ABCB10: variants seen among roughly 807,000 people sequenced by gnomAD.
ABCB10 encodes ATP binding cassette subfamily B member 10, also known as ATP-binding cassette sub-family B member 10, mitochondrial.
A neutral mutation model predicts 65.4 loss-of-function variants in ABCB10; 54 were observed. The ratio of observed to expected loss-of-function variants is 0.83; its 90% CI spans 0.66 to 1.04. The LOEUF (loss-of-function observed/expected upper bound fraction) is 1.04. Ranked by LOEUF, ABCB10 falls within the 50% of genes least tolerant of loss-of-function variation. ABCB10 has a pLI of 0.00. For synonymous variants in ABCB10, 418 were observed against 406.5 expected (o/e 1.03, Z -0.34); for missense variants, 846 against 976.6 (o/e 0.87, Z 1.78).
intron 10 of ABCB10, among the ~76,000 whole-genome samples, chr1:229,523,046 T>C (rs918234118): frequency 1.3e-5 from 2 of 152,210 alleles, no homozygotes; most frequent in African/African-American, 4.8e-5. Context: ...ATGTTCTTTT[T>C]TTCCCCTCCT....
intron 6 of ABCB10, among the ~76,000 whole-genome samples, chr1:229,538,464 C>A (rs371513429): frequency 5.9e-5 from 9 of 152,236 alleles, no homozygotes; most frequent in East Asian, 5.8e-4. Context: ...GGGTGTGAAA[C>A]CTCCAGCCCA....
At chr1:229,531,946 A>ATTTTTT in intron 6 of ABCB10, 1 of 219,738 alleles carries the variant, frequency 4.6e-6, no homozygotes, top group Non-Finnish European at 8.4e-6. Flanking sequence ...CCAGTTTCAT[A>ATTTTTT]GTTTTTTTTT....
chr1:229,554,995 C>T (rs1480011245), intron 1 of ABCB10, among the ~76,000 whole-genome samples: 1 of 152,222 alleles, frequency 6.6e-6, no homozygotes, highest in Non-Finnish European at 1.5e-5. Flanking sequence ...AAACCACACA[C>T]CAGCCCCTTA....
intron 3 of ABCB10, among the ~76,000 whole-genome samples, chr1:229,546,035 G>A (rs1571974808): frequency 6.6e-6 from 1 of 152,038 alleles, no homozygotes; most frequent in Non-Finnish European, 1.5e-5. Flanking sequence ...AGCGAGGCGT[G>A]GTGGCTGGCA....
intron 1 of ABCB10, among the ~76,000 whole-genome samples, chr1:229,554,758 G>A (rs1016977644): frequency 6.6e-6 from 1 of 152,124 alleles, no homozygotes; most frequent in Non-Finnish European, 1.5e-5. Context: ...GGGCAGTTCC[G>A]ATTTCAAAGG....
intron 6 of ABCB10, among the ~76,000 whole-genome samples, chr1:229,536,307 C>CCTG (rs1042681686): frequency 2.6e-5 from 4 of 151,758 alleles, no homozygotes; most frequent in Non-Finnish European, 5.9e-5. Context: ...TTGAGACCAG[C>CCTG]CTGGGCAACA....
At chr1:229,548,819 C>A (rs1024557931) in intron 2 of ABCB10, among the ~76,000 whole-genome samples, 2 of 151,994 alleles carry the variant, frequency 1.3e-5, no homozygotes, top group African/African-American at 2.4e-5. Context: ...CACACCACCA[C>A]GCCCGGGTAA....
intron 11 of ABCB10, among the ~76,000 whole-genome samples, chr1:229,520,257 G>C (rs1662272665): frequency 6.6e-6 from 1 of 151,688 alleles, no homozygotes; most frequent in Non-Finnish European, 1.5e-5. Context: ...ATCACTTGAG[G>C]TCAGGAGTTC....
intron 7 of ABCB10, 89 bp from the exon 8 acceptor site, chr1:229,530,497 T>C: frequency 1.5e-6 from 2 of 1,365,820 alleles, no homozygotes; most frequent in Non-Finnish European, 2.1e-6. Context: ...TGGCTATGGA[T>C]GGGTGACTCC....
chr1:229,522,911 G>A (rs1214905912), intron 10 of ABCB10, among the ~76,000 whole-genome samples: 2 of 152,022 alleles, frequency 1.3e-5, no homozygotes, highest in African/African-American at 4.8e-5. Context: ...GTACAGTAGT[G>A]CAATCATGGC....
At chr1:229,521,734 CTAGT>C in intron 10 of ABCB10, 99 bp from the exon 11 acceptor site, 1 of 1,280,654 alleles carries the variant, frequency 7.8e-7, no homozygotes, top group South Asian at 1.3e-5. Flanking sequence ...CAAGCTTCTT[CTAGT>C]TAGTCATAGC....
intron 4 of ABCB10, 51 bp downstream of exon 4, chr1:229,542,186 G>A (rs968451625): frequency 6.3e-7 from 1 of 1,599,144 alleles, no homozygotes; most frequent in Admixed American, 1.7e-5. Context: ...CTAGGATCCT[G>A]GCTATGACCC....
chr1:229,529,212 G>C (rs1267581528), intron 8 of ABCB10, among the ~76,000 whole-genome samples: 2 of 138,042 alleles, frequency 1.4e-5, no homozygotes, highest in African/African-American at 2.7e-5. Flanking sequence ...AGAATGGCGT[G>C]AACCCGGGAG....
At chr1:229,531,826 T>C (rs1300264185) in intron 6 of ABCB10, 95 bp from the exon 7 acceptor site, 1 of 939,534 alleles carries the variant, frequency 1.1e-6, no homozygotes, top group Non-Finnish European at 1.6e-6. Flanking sequence ...TTGCTTTTAA[T>C]ATAAAATCTG....
At chr1:229,533,047 T>A (rs1287018971) in intron 6 of ABCB10, among the ~76,000 whole-genome samples, 2 of 152,170 alleles carry the variant, frequency 1.3e-5, no homozygotes, top group African/African-American at 4.8e-5. Context: ...GCTCAAGCAA[T>A]CCTCCTGCCT....
intron 8 of ABCB10, 35 bp downstream of exon 8, chr1:229,530,164 A>C: frequency 6.2e-7 from 1 of 1,605,996 alleles, no homozygotes. Context: ...AGCTCGGGAG[A>C]GTCCCTCGGT....
rs1178987103 is a variant in ABCB10, at chr1:229,517,928, G to A, written c.*251C>T. 1 of 386,284 alleles carries A rather than the reference G, an allele frequency of 2.6e-6. No homozygotes were observed. Among genetic ancestry groups the A allele is most frequent in the Non-Finnish European group, 4.6e-6 (1 of 216,464 alleles). 23.9% of individuals were successfully genotyped at this position (386,284 alleles called of 1,614,324 possible). On this transcript the variant is annotated 3_prime_UTR_variant, in exon 13 of 13. Coordinates refer to ENST00000344517, the MANE Select transcript of ABCB10 (RefSeq NM_012089.3). The stretch of plus-strand genomic sequence containing the variant: ...CTATATTAATTAAAATATTCCACAA[G>A]AAAAGAAAATACAAAACCTGAAAAT...
At chr1:229,539,724 C>T (rs1662797957) in intron 5 of ABCB10, 133 bp from the exon 6 acceptor site, 1 of 1,031,650 alleles carries the variant, frequency 9.7e-7, no homozygotes, top group Non-Finnish European at 1.4e-6. Flanking sequence ...TTAATTTCAC[C>T]TGAGTTTCAA....
At position 229,547,517 on chromosome 1, in the gene ABCB10, G is replaced by C. The variant is rs3738187; in HGVS notation, c.903C>G (p.Ser301=). The C allele has an allele frequency of 6.2e-7, 1 of 1,612,726 alleles. No individual in the cohort carries two copies. Among genetic ancestry groups the C allele is most frequent in the South Asian group, 1.1e-5 (1 of 91,032 alleles). Residue 301 remains serine, a synonymous_variant, in exon 3 of 13, where the codon TCC becomes TCG. Coordinates refer to ENST00000344517, the MANE Select transcript of ABCB10 (RefSeq NM_012089.3). ...CACATACCATCATACTGATGCCTAC[G>C]GAAGCCTGGGCCCCGGCCCTGAGCC... ...SDGLRAGAQA[S]VGISMMFFVS... is the part of the protein sequence containing the mutation.
Sources: gnomAD v4.1 joint callset for allele counts (sites outside exome capture counted in the v4.1 genomes callset) on GRCh38, gnomAD v4.1.1 for gene constraint, MANE v1.5 for transcripts, NCBI Gene and HGNC (gene_info 2026-07-23, HGNC 2026-07-21) for gene names.